Variants in ZNF254 observed in about 807,000 individuals in gnomAD.
The protein encoded by ZNF254 is zinc finger protein 254.
In ZNF254, 10 loss-of-function variants were observed where a neutral mutation model predicts 12.4. That is an observed-to-expected ratio of 0.80 (90% confidence interval 0.50 to 1.36). The LOEUF (loss-of-function observed/expected upper bound fraction) is 1.36. ZNF254 is among the 40% of genes most tolerant of loss of function. The pLI is 0.00. For missense variants in ZNF254, 996 were observed against 763.9 expected (o/e 1.30, Z -3.58); for synonymous variants, 305 against 253.4 (o/e 1.20, Z -1.93).
Position 24,129,523 on chromosome 19 carries a change from G to A in ZNF254, c.*1543G>A, listed in dbSNP as rs2146047719. The A allele has an allele frequency of 6.6e-6, 1 of 151,776 alleles. No individual in the cohort carries two copies. The highest frequency in any genetic ancestry group is 6.6e-5 in the Admixed American group (1 of 15,220). The allele number at this position is 151,776 out of a possible 1,614,324, so 9.4% of individuals were successfully genotyped here. On this transcript the variant is annotated 3_prime_UTR_variant, in exon 4 of 4. Coordinates refer to ENST00000357002, the MANE Select transcript of ZNF254 (RefSeq NM_203282.4). ...TAAGTTAAAGAATATTGTTCCTATG[G>A]GTTAAATTTTTATTCTTATTTTCAC...
chr19:24,094,719 C>CTTT (rs1314796414), intron 1 of ZNF254, among the ~76,000 whole-genome samples: 1 of 151,398 alleles, frequency 6.6e-6, no homozygotes, highest in Non-Finnish European at 1.5e-5. Flanking sequence ...TAGAGTCTCA[C>CTTT]TTTGTCTCCC....
chr19:24,047,888 T>C (rs2145267510), intron 2 of ZNF254, among the ~76,000 whole-genome samples: 1 of 151,690 alleles, frequency 6.6e-6, no homozygotes. Context: ...GGTTTCTCCA[T>C]GTTGGTCAGG....
At chr19:24,060,311 ATGT>A (rs1460110930) in intron 2 of ZNF254, among the ~76,000 whole-genome samples, 1 of 152,156 alleles carries the variant, frequency 6.6e-6, no homozygotes, top group Non-Finnish European at 1.5e-5. Context: ...CACCAAGCTG[ATGT>A]TACTTGCCTC....
chr19:24,068,636 C>A (rs890740803), intron 2 of ZNF254, among the ~76,000 whole-genome samples: 1 of 152,078 alleles, frequency 6.6e-6, no homozygotes, highest in African/African-American at 2.4e-5. Context: ...GATTTTAATC[C>A]ATCCCCAGCC....
chr19:24,064,266 C>G (rs1971186961), intron 2 of ZNF254, among the ~76,000 whole-genome samples: 1 of 152,112 alleles, frequency 6.6e-6, no homozygotes, highest in South Asian at 2.1e-4. Flanking sequence ...CTGTGTCTCT[C>G]CTTTCTAAGC....
At chr19:24,081,091 AAG>A (rs1317503123) in intron 2 of ZNF254, among the ~76,000 whole-genome samples, 1 of 151,930 alleles carries the variant, frequency 6.6e-6, no homozygotes, top group East Asian at 1.9e-4. Flanking sequence ...AAAAAAAAAA[AAG>A]AATATTAACT....
chr19:24,060,167 A>G (rs1971014680), intron 2 of ZNF254, among the ~76,000 whole-genome samples: 2 of 152,178 alleles, frequency 1.3e-5, no homozygotes, highest in Admixed American at 1.3e-4. Flanking sequence ...CAGGTGATGT[A>G]ACATTCCTGC....
chr19:24,114,320 G>A (rs963350233), intron 3 of ZNF254, among the ~76,000 whole-genome samples: 8 of 144,124 alleles, frequency 5.6e-5, no homozygotes, highest in South Asian at 2.3e-4. Flanking sequence ...GTACTGGTAC[G>A]AAAACAGAGA....
chr19:24,051,796 T>A (rs1394894138), intron 2 of ZNF254, among the ~76,000 whole-genome samples: 2 of 152,214 alleles, frequency 1.3e-5, no homozygotes, highest in Non-Finnish European at 2.9e-5. Context: ...TATTGGTACA[T>A]ATCACTGGGC....
At chr19:24,037,107 T>C (rs764979521) in intron 1 of ZNF254, among the ~76,000 whole-genome samples, 16 of 152,218 alleles carry the variant, frequency 1.1e-4, no homozygotes, top group Non-Finnish European at 1.9e-4. Flanking sequence ...TGTCAGAACA[T>C]AACCCTGCCT....
intron 1 of ZNF254, among the ~76,000 whole-genome samples, chr19:24,034,415 G>A (rs536238812): frequency 6.6e-6 from 1 of 151,694 alleles, no homozygotes; most frequent in African/African-American, 2.4e-5. Flanking sequence ...GGCTTTTTCT[G>A]GGAATAGAGT....
At chr19:24,091,691 C>A (rs1344009611) in intron 1 of ZNF254, among the ~76,000 whole-genome samples, 1 of 151,930 alleles carries the variant, frequency 6.6e-6, no homozygotes, top group Non-Finnish European at 1.5e-5. Flanking sequence ...TGGGGTTTCA[C>A]CATGTTGGCC....
chr19:24,091,329 A>T (rs377091185), intron 1 of ZNF254, among the ~76,000 whole-genome samples: 1 of 151,004 alleles, frequency 6.6e-6, no homozygotes, highest in Non-Finnish European at 1.5e-5. Flanking sequence ...AAAAAAAAAA[A>T]ATCTCTCTTC....
intron 2 of ZNF254, chr19:24,079,628 A>G (rs999051322): frequency 2.0e-4 from 31 of 152,382 alleles, no homozygotes; most frequent in African/African-American, 6.5e-4. Context: ...ACTCTGACCT[A>G]CAGTTTAACA....
At chr19:24,079,353 C>T (rs990323960) in intron 2 of ZNF254, 2 of 152,152 alleles carry the variant, frequency 1.3e-5, no homozygotes, top group African/African-American at 4.8e-5. Context: ...TATTGAGAAC[C>T]ATTTGTCCCT....
intron 1 of ZNF254, among the ~76,000 whole-genome samples, chr19:24,090,455 T>G (rs1326932957): frequency 6.6e-6 from 1 of 152,178 alleles, no homozygotes; most frequent in African/African-American, 2.4e-5. Context: ...TTTCGTTGTC[T>G]TGAGACAGTT....
chr19:24,041,997 G>A (rs568490631), intron 1 of ZNF254, among the ~76,000 whole-genome samples: 1 of 138,338 alleles, frequency 7.2e-6, no homozygotes, highest in East Asian at 2.1e-4. Flanking sequence ...GAGTGCACCA[G>A]TCGACACTCT....
chr19:24,087,280 C>T lies in ZNF254; in HGVS notation c.-28C>T, dbSNP rs762425356. ...GGCCCAGCCTCTGTGGCGCTGTTAC[C>T]AGCAGGTATTGGAGATCCACAGCTA... is the stretch of plus-strand genomic sequence containing the variant. On this transcript the variant is annotated 5_prime_UTR_variant, in exon 1 of 4. Coordinates refer to ENST00000357002, the MANE Select transcript of ZNF254 (RefSeq NM_203282.4). The T allele has an allele frequency of 1.2e-6, 2 of 1,613,156 alleles. No individual in the cohort carries two copies. The highest frequency in any genetic ancestry group is 4.5e-5 in the East Asian group (2 of 44,848).
chr19:24,036,710 C>T (rs1019149767), intron 1 of ZNF254, among the ~76,000 whole-genome samples: 3 of 152,180 alleles, frequency 2.0e-5, no homozygotes, highest in Non-Finnish European at 4.4e-5. Flanking sequence ...GTTCTGCACA[C>T]AGGCTGTCAC....
Sources: allele counts gnomAD v4.1 joint callset (sites outside exome capture counted in the v4.1 genomes callset), GRCh38; gene constraint gnomAD v4.1.1; transcripts MANE v1.5; gene names NCBI Gene and HGNC (gene_info 2026-07-23, HGNC 2026-07-21).